TRPM3: variants seen among roughly 807,000 people sequenced by gnomAD.
The protein encoded by TRPM3 is long transient receptor potential channel 3.
TRPM3 carries 77 observed loss-of-function variants against 181.2 expected under a neutral mutation model. The observed-to-expected ratio is 0.42, with a 90% CI of 0.35 to 0.51. The LOEUF is 0.51. TRPM3 is among the 20% of genes least tolerant of loss of function. TRPM3 has a pLI of 0.01. For synonymous variants in TRPM3, 745 were observed against 796.4 expected (o/e 0.94, Z 1.09); for missense variants, 1,759 against 2,196.7 (o/e 0.80, Z 3.98).
At chr9:71,307,797 C>T (rs978901437) in intron 1 of TRPM3, among the ~76,000 whole-genome samples, 1 of 152,084 alleles carries the variant, frequency 6.6e-6, no homozygotes, top group African/African-American at 2.4e-5. Flanking sequence ...AATCTCTTTG[C>T]AGATTACTTT....
intron 12 of TRPM3, among the ~76,000 whole-genome samples, chr9:70,632,545 C>A (rs1471299608): frequency 6.6e-6 from 1 of 152,180 alleles, no homozygotes; most frequent in Non-Finnish European, 1.5e-5. Flanking sequence ...TTCTGTGTCT[C>A]CCTGTCTTAT....
At chr9:71,359,448 C>T (rs2092049734) in intron 1 of TRPM3, among the ~76,000 whole-genome samples, 1 of 152,176 alleles carries the variant, frequency 6.6e-6, no homozygotes, top group Non-Finnish European at 1.5e-5. Flanking sequence ...CTCCAGTTGA[C>T]TTAATTCATC....
In TRPM3 at chr9:71,190,911, C is replaced by T. The variant is rs528096426; in HGVS notation, c.183+255742G>A. ...TCACAGGTTCCCTGCCAACAAAACA[C>T]TCTAGTGAAATCTCCTTCTGTTTCA... On this transcript the variant is annotated intron_variant, in intron 1 of 24. Coordinates refer to the TRPM3 transcript ENST00000357533. 6.6e-5 allele frequency among the ~76,000 whole-genome samples: 10 copies of T among 151,992 alleles called. No individual in the cohort carries two copies. In the South Asian group the frequency reaches 2.1e-3, roughly 32 times the overall value.
In TRPM3 at chr9:70,681,576, A is replaced by C. The variant is rs1467943713; in HGVS notation, c.1275T>G (p.Ile425Met). The C allele has an allele frequency of 3.7e-6, 6 of 1,613,626 alleles. No individual in the cohort carries two copies. The highest frequency in any genetic ancestry group is 5.1e-6 in the Non-Finnish European group (6 of 1,179,678). Residue 425 changes from isoleucine to methionine, a missense_variant and splice_region_variant, in exon 9 of 26, where the codon ATT becomes ATG. Ile to Met is a conservative substitution (Grantham distance 10). Transcript: ENST00000677713. ...CTTCTGATCCCATCCGAAATACCGT[A>C]ATCTGCAATTTGAGACAAGGTGATC... Reference protein sequence around the residue: ...LMECMKKKELITVFRMGSEGH... With the variant: ...LMECMKKKELMTVFRMGSEGH...
chr9:71,204,224 A>C (rs2078982673), intron 1 of TRPM3, among the ~76,000 whole-genome samples: 1 of 151,120 alleles, frequency 6.6e-6, no homozygotes, highest in African/African-American at 2.4e-5. Context: ...GATCTAATTA[A>C]ACTAAAGAGC....
In TRPM3 at chr9:70,678,425, T is replaced by C. The variant is rs1049613336; in HGVS notation, c.1345+3081A>G. Among the ~76,000 whole-genome samples the C allele has an allele frequency of 4.6e-5, 7 of 152,166 alleles. No homozygotes were observed. In the East Asian group the frequency reaches 1.3e-3, roughly 29 times the overall value. Reference sequence around the variant, plus strand: ...TGCTGTTACAGGCATGAGCTCTTTTTGTCTCTCTCTTTCTTCATTTTTGGA... The same window carrying C: ...TGCTGTTACAGGCATGAGCTCTTTTCGTCTCTCTCTTTCTTCATTTTTGGA... On this transcript the variant is annotated intron_variant, in intron 9 of 25. Coordinates refer to ENST00000677713, the MANE Select transcript of TRPM3 (RefSeq NM_001366145.2).
chr9:71,216,937 C>CTTTTTTTTTT (rs10536771), intron 1 of TRPM3, among the ~76,000 whole-genome samples: 1 of 72,946 alleles, frequency 1.4e-5, no homozygotes, highest in African/African-American at 5.8e-5. Flanking sequence ...GTGGCCCTTT[C>CTTTTTTTTTT]TTTTTTTTTT....
chr9:70,577,803 T>C (rs939293927), intron 22 of TRPM3, among the ~76,000 whole-genome samples: 3 of 152,222 alleles, frequency 2.0e-5, no homozygotes, highest in Non-Finnish European at 2.9e-5. Context: ...TCCCCCGCCC[T>C]GTATATTCAA....
At chr9:71,034,018 T>C (rs770749553) in intron 1 of TRPM3, among the ~76,000 whole-genome samples, 1 of 152,008 alleles carries the variant, frequency 6.6e-6, no homozygotes, top group Non-Finnish European at 1.5e-5. Context: ...GAAACTGGAG[T>C]ACTCAGAGAA....
At chr9:70,836,072 T>A (rs1442479662) in intron 5 of TRPM3, among the ~76,000 whole-genome samples, 1 of 152,148 alleles carries the variant, frequency 6.6e-6, no homozygotes, top group Admixed American at 6.5e-5. Context: ...GGGGCTATTA[T>A]TATTATTTCA....
chr9:70,970,639 A>T (rs900904870), intron 1 of TRPM3, among the ~76,000 whole-genome samples: 1 of 152,118 alleles, frequency 6.6e-6, no homozygotes. Flanking sequence ...TTGTGTTTCA[A>T]CTATATTTAC....
intron 1 of TRPM3, among the ~76,000 whole-genome samples, chr9:71,048,873 G>C (rs1326342152): frequency 6.6e-6 from 1 of 152,118 alleles, no homozygotes; most frequent in African/African-American, 2.4e-5. Flanking sequence ...AACAACTCAA[G>C]GTACTAGAAA....
intron 1 of TRPM3, among the ~76,000 whole-genome samples, chr9:71,275,742 GT>G (rs1488903873): frequency 1.1e-4 from 17 of 152,238 alleles, no homozygotes; most frequent in African/African-American, 3.6e-4. Context: ...CAAAGCCCTA[GT>G]TGTTTGTTAG....
intron 9 of TRPM3, among the ~76,000 whole-genome samples, chr9:70,665,651 A>G (rs2061744030): frequency 6.6e-6 from 1 of 152,208 alleles, no homozygotes; most frequent in African/African-American, 2.4e-5. Context: ...ACATGTTACT[A>G]ATATAAAACT....
intron 1 of TRPM3, among the ~76,000 whole-genome samples, chr9:71,225,551 CTGCTAATAAG>C (rs2080544205): frequency 6.6e-6 from 1 of 152,144 alleles, no homozygotes; most frequent in Non-Finnish European, 1.5e-5. Context: ...ACAAAACTCA[CTGCTAATAAG>C]TACACACAAA....
intron 1 of TRPM3, among the ~76,000 whole-genome samples, chr9:71,394,135 G>C (rs2093132995): frequency 6.6e-6 from 1 of 151,972 alleles, no homozygotes; most frequent in Admixed American, 6.6e-5. Context: ...TCCTCATCTG[G>C]GTTTATTTAA....
chr9:71,338,740 G>C lies in TRPM3; in HGVS notation c.183+107913C>G, dbSNP rs529329131. ...TAAAAATCCTTGATAAAGAGGAATAGATGGATACTTCCTTGCAGACACACA... is the reference window on the plus strand; with the variant it reads ...TAAAAATCCTTGATAAAGAGGAATACATGGATACTTCCTTGCAGACACACA... On this transcript the variant is annotated intron_variant, in intron 1 of 24. Coordinates refer to the TRPM3 transcript ENST00000357533. Among the ~76,000 whole-genome samples the C allele has an allele frequency of 7.9e-5, 12 of 152,248 alleles. No homozygotes were observed. In the South Asian group the frequency reaches 2.5e-3, roughly 32 times the overall value.
chr9:71,328,339 AT>A (rs564642149), intron 1 of TRPM3, among the ~76,000 whole-genome samples: 1 of 151,502 alleles, frequency 6.6e-6, no homozygotes, highest in Non-Finnish European at 1.5e-5. Flanking sequence ...AATTTTTTGT[AT>A]TTTTTTTAGT....
At chr9:71,205,894 A>T (rs77995739) in intron 1 of TRPM3, among the ~76,000 whole-genome samples, 1,655 of 152,320 alleles carry the variant, frequency 0.011, 27 homozygotes, top group East Asian at 0.075. Flanking sequence ...AGCACAAATG[A>T]AAGTGTGAAA....
Sources: gnomAD v4.1 joint callset for allele counts (sites outside exome capture counted in the v4.1 genomes callset) on GRCh38, gnomAD v4.1.1 for gene constraint, MANE v1.5 for transcripts, NCBI Gene and HGNC (gene_info 2026-07-23, HGNC 2026-07-21) for gene names.